The following PPP2R2B variants were observed in gnomAD, a reference collection of about 807,000 sequenced individuals.
PPP2R2B encodes protein phosphatase 2 regulatory subunit Bbeta.
Under a neutral mutation model 46.0 loss-of-function variants are expected in PPP2R2B, and 5 were observed. The observed-to-expected ratio is 0.11, with a 90% CI of 0.06 to 0.23. PPP2R2B has a LOEUF of 0.23. PPP2R2B is among the 10% of genes least tolerant of loss of function. The pLI, the probability that PPP2R2B is intolerant of heterozygous loss-of-function variation, is 1.00. For missense variants in PPP2R2B, 367 were observed against 575.0 expected, an observed-to-expected ratio of 0.64 and a Z score of 3.70; for synonymous variants, 215 against 206.7, an observed-to-expected ratio of 1.04 and a Z score of -0.34.
At chr5:146,852,592 T>G (rs1760414147) in intron 2 of PPP2R2B, among the ~76,000 whole-genome samples, 1 of 152,156 alleles carries the variant, frequency 6.6e-6, no homozygotes, top group Non-Finnish European at 1.5e-5. Flanking sequence ...CCGCCTACTG[T>G]AGAACCAGTC....
intron 2 of PPP2R2B, among the ~76,000 whole-genome samples, chr5:146,838,890 C>T (rs967935473): frequency 6.6e-6 from 1 of 152,168 alleles, no homozygotes; most frequent in African/African-American, 2.4e-5. Flanking sequence ...TCTGAAGCAG[C>T]GTTAGAGGTT....
At chr5:146,828,151 T>C (rs1257732075) in intron 2 of PPP2R2B, among the ~76,000 whole-genome samples, 1 of 152,116 alleles carries the variant, frequency 6.6e-6, no homozygotes, top group Non-Finnish European at 1.5e-5. Flanking sequence ...CATTATCCCA[T>C]GAATTCTACC....
intron 5 of PPP2R2B, among the ~76,000 whole-genome samples, chr5:146,667,326 GCGCGCGCACACACACACACA>G (rs1252921691): frequency 0.22 from 11,199 of 50,668 alleles, 605 homozygotes; most frequent in Middle Eastern, 0.37. Flanking sequence ...GAATAGGCGT[GCGCGCGCACACACACACACA>G]CACACACACA....
chr5:147,072,398 G>A (rs2151911572), intron 2 of PPP2R2B, among the ~76,000 whole-genome samples: 1 of 152,180 alleles, frequency 6.6e-6, no homozygotes, highest in African/African-American at 2.4e-5. Flanking sequence ...TTGGTTAGTT[G>A]ACATTTATTA....
intron 7 of PPP2R2B, among the ~76,000 whole-genome samples, chr5:146,625,473 T>C (rs918253411): frequency 3.9e-5 from 6 of 152,242 alleles, no homozygotes; most frequent in Non-Finnish European, 7.3e-5. Flanking sequence ...AGCATTTCTT[T>C]AGCACTTTCA....
intron 1 of PPP2R2B, among the ~76,000 whole-genome samples, chr5:146,920,418 G>C (rs1410390691): frequency 6.6e-6 from 1 of 152,174 alleles, no homozygotes; most frequent in East Asian, 1.9e-4. Context: ...GGGCCGTGCA[G>C]GCAGTTTAAA....
chr5:146,845,955 A>G (rs1226431068), intron 2 of PPP2R2B, among the ~76,000 whole-genome samples: 2 of 152,246 alleles, frequency 1.3e-5, no homozygotes, highest in Non-Finnish European at 2.9e-5. Flanking sequence ...TCTGAATTCA[A>G]TGTGCTGTAA....
chr5:147,029,927 C>A (rs1345385651), intron 1 of PPP2R2B, among the ~76,000 whole-genome samples: 1 of 152,202 alleles, frequency 6.6e-6, no homozygotes, highest in Non-Finnish European at 1.5e-5. Context: ...CCCCAGCTGA[C>A]TAATATAAGT....
At chr5:146,593,380 G>A (rs183304615) in intron 8 of PPP2R2B, among the ~76,000 whole-genome samples, 7 of 152,344 alleles carry the variant, frequency 4.6e-5, no homozygotes, top group African/African-American at 1.7e-4. Context: ...CATTCATGCA[G>A]TCTTTTATTC....
intron 1 of PPP2R2B, among the ~76,000 whole-genome samples, chr5:146,962,402 T>C (rs1460965675): frequency 1.3e-5 from 2 of 152,030 alleles, no homozygotes; most frequent in East Asian, 3.9e-4. Flanking sequence ...CTCATGCCTG[T>C]AATCCTAGCA....
intron 5 of PPP2R2B, among the ~76,000 whole-genome samples, chr5:146,671,213 C>A (rs455619): frequency 0.94 from 143,327 of 152,260 alleles, 67,812 homozygotes; most frequent in East Asian, 1. Flanking sequence ...TGATATACAC[C>A]AAGGTAGTAT....
At chr5:147,002,359 G>A (rs903566731) in intron 1 of PPP2R2B, among the ~76,000 whole-genome samples, 1 of 152,122 alleles carries the variant, frequency 6.6e-6, no homozygotes, top group African/African-American at 2.4e-5. Flanking sequence ...GTATCCTTCT[G>A]TTCATATAAG....
chr5:147,067,090 T>C (rs1473025115), intron 2 of PPP2R2B, among the ~76,000 whole-genome samples: 1 of 152,214 alleles, frequency 6.6e-6, no homozygotes, highest in Non-Finnish European at 1.5e-5. Context: ...ACATTTACGG[T>C]GTACAACATG....
At chr5:146,858,083 A>G (rs1423550903) in intron 2 of PPP2R2B, among the ~76,000 whole-genome samples, 3 of 152,294 alleles carry the variant, frequency 2.0e-5, no homozygotes, top group African/African-American at 7.2e-5. Context: ...AGGCACCGTC[A>G]CTTTTAATAC....
chr5:146,693,385 T>G lies in PPP2R2B; in HGVS notation c.335-2145A>C, dbSNP rs1309475736. ...ACATGCCACCACGCCCAGAGAATTT[T>G]TCTATTTTTTATAGAGACATGATTT... On this transcript the variant is annotated intron_variant, in intron 4 of 9. Coordinates refer to ENST00000394411, the MANE Select transcript of PPP2R2B (RefSeq NM_181675.4). Among the ~76,000 whole-genome samples the G allele has an allele frequency of 3.3e-5, 5 of 152,214 alleles. No individual in the cohort carries two copies. In the East Asian group the frequency reaches 9.7e-4, roughly 29 times the overall value.
intron 1 of PPP2R2B, among the ~76,000 whole-genome samples, chr5:146,916,274 C>G (rs1195966798): frequency 6.1e-5 from 9 of 147,160 alleles, no homozygotes; most frequent in Admixed American, 5.5e-4. Flanking sequence ...AAAGAAAATT[C>G]TAACCACATG....
intron 6 of PPP2R2B, among the ~76,000 whole-genome samples, chr5:146,640,435 G>C (rs1775126272): frequency 6.6e-6 from 1 of 152,216 alleles, no homozygotes; most frequent in Non-Finnish European, 1.5e-5. Context: ...TCAGGAGGAG[G>C]CTCTAGGCTG....
At chr5:146,771,378 C>T (rs1282738653) in intron 2 of PPP2R2B, among the ~76,000 whole-genome samples, 2 of 152,166 alleles carry the variant, frequency 1.3e-5, no homozygotes, top group Non-Finnish European at 2.9e-5. Context: ...CGAACAGGTG[C>T]TACTAATTTT....
At chr5:146,688,320 T>C (rs1778633132) in intron 5 of PPP2R2B, among the ~76,000 whole-genome samples, 1 of 151,884 alleles carries the variant, frequency 6.6e-6, no homozygotes, top group African/African-American at 2.4e-5. Flanking sequence ...AAATGATAGC[T>C]TGAAAAAAAA....
Sources: gnomAD v4.1 joint callset for allele counts (sites outside exome capture counted in the v4.1 genomes callset) on GRCh38, gnomAD v4.1.1 for gene constraint, MANE v1.5 for transcripts, NCBI Gene and HGNC (gene_info 2026-07-23, HGNC 2026-07-21) for gene names.